The following PCSK2 variants were observed in gnomAD, a reference collection of about 807,000 sequenced individuals.
PCSK2 encodes proprotein convertase subtilisin/kexin type 2, also known as neuroendocrine convertase 2.
In PCSK2, 14 loss-of-function variants were observed where a neutral mutation model predicts 69.7. The observed-to-expected ratio is 0.20, with a 90% CI of 0.13 to 0.31. PCSK2 has a LOEUF of 0.31. PCSK2 is among the 10% of genes least tolerant of loss of function. The pLI is 1.00. For synonymous variants in PCSK2, 307 were observed against 320.7 expected, an observed-to-expected ratio of 0.96 and a Z score of 0.46; for missense variants, 544 against 842.5, an observed-to-expected ratio of 0.65 and a Z score of 4.39.
At chr20:17,368,760 G>A (rs1445901576) in intron 4 of PCSK2, among the ~76,000 whole-genome samples, 2 of 152,134 alleles carry the variant, frequency 1.3e-5, no homozygotes, top group African/African-American at 4.8e-5. Flanking sequence ...CTCCCAACCA[G>A]CAACACCTCA....
intron 5 of PCSK2, 47 bp from the exon 6 acceptor site, chr20:17,409,216 T>C (rs574607312): frequency 7.0e-6 from 10 of 1,432,974 alleles, no homozygotes; most frequent in Non-Finnish European, 9.9e-6. Context: ...TTCCCTTTAC[T>C]GCGCCTCTGG....
chr20:17,389,308 CT>C (rs2031312984), intron 5 of PCSK2, among the ~76,000 whole-genome samples: 1 of 151,832 alleles, frequency 6.6e-6, no homozygotes, highest in Admixed American at 6.6e-5. Context: ...AGTCAAGGGT[CT>C]TGGAAGGAAC....
At chr20:17,410,579 C>A (rs2031848631) in intron 6 of PCSK2, among the ~76,000 whole-genome samples, 1 of 152,206 alleles carries the variant, frequency 6.6e-6, no homozygotes. Context: ...AATTCATTCT[C>A]TATCCACATC....
chr20:17,479,513 C>T (rs2123424321), intron 11 of PCSK2: 1 of 389,938 alleles, frequency 2.6e-6, no homozygotes, highest in South Asian at 2.3e-5. Context: ...ACACAAGAAT[C>T]ATACGGCCGG....
At chr20:17,454,169 G>T (rs551564858) in intron 9 of PCSK2, among the ~76,000 whole-genome samples, 1 of 152,298 alleles carries the variant, frequency 6.6e-6, no homozygotes, top group East Asian at 1.9e-4. Flanking sequence ...TGATCGGTGA[G>T]GACTCCTTTC....
Position 17,473,283 on chromosome 20 carries a change from G to T in PCSK2, c.1430+7730G>T, listed in dbSNP as rs187595626. Among the ~76,000 whole-genome samples, 58 of 152,022 alleles carry T rather than the reference G, an allele frequency of 3.8e-4. No individual in the cohort carries two copies. The East Asian group carries it at 0.01, about 27-fold the overall frequency. On this transcript the variant is annotated intron_variant, in intron 11 of 11. Coordinates refer to ENST00000262545, the MANE Select transcript of PCSK2 (RefSeq NM_002594.5). ...TAATTTTTGTGTTTTTAGTAGAGAC[G>T]GGGTTTCTCCATGTTGGTCAGGCTG... is the stretch of plus-strand genomic sequence containing the variant.
intron 7 of PCSK2, among the ~76,000 whole-genome samples, chr20:17,435,665 C>T (rs1376364560): frequency 1.3e-5 from 2 of 152,216 alleles, no homozygotes; most frequent in African/African-American, 4.8e-5. Flanking sequence ...CATGGCCCAA[C>T]CCCTTCATTC....
At chr20:17,354,590 AT>A (rs1389427097) in intron 2 of PCSK2, among the ~76,000 whole-genome samples, 8 of 152,186 alleles carry the variant, frequency 5.3e-5, no homozygotes, top group African/African-American at 1.9e-4. Context: ...GGTCATGGTA[AT>A]TTTATTTATA....
intron 5 of PCSK2, among the ~76,000 whole-genome samples, chr20:17,369,688 A>C (rs1437592699): frequency 6.6e-6 from 1 of 152,240 alleles, no homozygotes; most frequent in Non-Finnish European, 1.5e-5. Flanking sequence ...CTGAAAGAGC[A>C]GAGTGCCAAG....
At chr20:17,296,660 T>A (rs1298046621) in intron 2 of PCSK2, among the ~76,000 whole-genome samples, 3 of 152,204 alleles carry the variant, frequency 2.0e-5, no homozygotes, top group African/African-American at 7.2e-5. Context: ...CAAATCACCT[T>A]AAAAATGAGT....
chr20:17,375,111 G>A (rs190559130), intron 5 of PCSK2, among the ~76,000 whole-genome samples: 99 of 152,236 alleles, frequency 6.5e-4, no homozygotes, highest in Non-Finnish European at 1.2e-3. Flanking sequence ...TGCGTATCAG[G>A]CCTGGCACAT....
intron 5 of PCSK2, among the ~76,000 whole-genome samples, chr20:17,393,033 C>T (rs1480994204): frequency 6.6e-6 from 1 of 152,162 alleles, no homozygotes; most frequent in African/African-American, 2.4e-5. Flanking sequence ...CCCTGGAGTT[C>T]AGAATGCTTT....
chr20:17,259,974 T>C (rs1335198690), intron 1 of PCSK2, among the ~76,000 whole-genome samples: 2 of 152,048 alleles, frequency 1.3e-5, no homozygotes, highest in Non-Finnish European at 2.9e-5. Flanking sequence ...TCAAAGGATG[T>C]GCAGAAAGTT....
At chr20:17,320,819 G>T (rs1163867602) in intron 2 of PCSK2, among the ~76,000 whole-genome samples, 2 of 152,210 alleles carry the variant, frequency 1.3e-5, no homozygotes, top group Non-Finnish European at 2.9e-5. Flanking sequence ...CTTCAAGCTT[G>T]TACAGGAGAA....
chr20:17,304,525 G>A (rs1472570715), intron 2 of PCSK2, among the ~76,000 whole-genome samples: 1 of 152,178 alleles, frequency 6.6e-6, no homozygotes, highest in African/African-American at 2.4e-5. Context: ...TAGGGACACT[G>A]GACTGGCAAT....
intron 2 of PCSK2, among the ~76,000 whole-genome samples, chr20:17,331,600 C>T (rs1335205785): frequency 1.3e-5 from 2 of 152,164 alleles, no homozygotes; most frequent in Non-Finnish European, 1.5e-5. Context: ...ATCCAAACAG[C>T]CAGTCTGTGA....
intron 1 of PCSK2, among the ~76,000 whole-genome samples, chr20:17,259,229 T>G (rs898196456): frequency 2.0e-5 from 3 of 152,140 alleles, no homozygotes; most frequent in African/African-American, 7.2e-5. Flanking sequence ...TAGGGACTCT[T>G]TTGAGAATCT....
At chr20:17,474,627 T>C (rs1315202425) in intron 11 of PCSK2, among the ~76,000 whole-genome samples, 2 of 152,130 alleles carry the variant, frequency 1.3e-5, no homozygotes, top group Admixed American at 6.5e-5. Flanking sequence ...CCCATGAGCG[T>C]GGGGCTCCTG....
chr20:17,320,937 C>A (rs1317340078), intron 2 of PCSK2, among the ~76,000 whole-genome samples: 1 of 152,018 alleles, frequency 6.6e-6, no homozygotes, highest in African/African-American at 2.4e-5. Context: ...TGACTAAAAC[C>A]AAGGCAAGCA....
Sources: allele counts gnomAD v4.1 joint callset (sites outside exome capture counted in the v4.1 genomes callset), GRCh38; gene constraint gnomAD v4.1.1; transcripts MANE v1.5; gene names NCBI Gene and HGNC (gene_info 2026-07-23, HGNC 2026-07-21).